The following UNC79 variants were observed in gnomAD, a reference collection of about 807,000 sequenced individuals.
UNC79 encodes the protein unc-79 subunit of NALCN channel complex.
In UNC79, 37 loss-of-function variants were observed where a neutral mutation model predicts 283.1. That is an observed-to-expected ratio of 0.13 (90% confidence interval 0.10 to 0.17). UNC79 has a LOEUF of 0.17. UNC79 is among the 10% of genes least tolerant of loss of function. The pLI is 1.00. For synonymous variants in UNC79, 1,107 were observed against 1,200.2 expected, an observed-to-expected ratio of 0.92 and a Z score of 1.61; for missense variants, 2,272 against 3,211.1, an observed-to-expected ratio of 0.71 and a Z score of 7.07.
chr14:93,618,921 G>T (rs936224822), intron 29 of UNC79, among the ~76,000 whole-genome samples: 1 of 152,158 alleles, frequency 6.6e-6, no homozygotes, highest in Non-Finnish European at 1.5e-5. Context: ...TGCAACTTTA[G>T]CTAGGGTAAA....
chr14:93,486,820 TAAAC>T (rs201444973), intron 4 of UNC79, among the ~76,000 whole-genome samples: 2,069 of 152,280 alleles, frequency 0.014, 56 homozygotes, highest in African/African-American at 0.048. Context: ...GATGTCATCT[TAAAC>T]AAGCCACTTA....
chr14:93,593,238 T>C (rs943421027), intron 22 of UNC79, among the ~76,000 whole-genome samples: 7 of 152,198 alleles, frequency 4.6e-5, no homozygotes, highest in African/African-American at 1.2e-4. Context: ...TGTCTGTTCT[T>C]GGAGAGGCTG....
intron 1 of UNC79, among the ~76,000 whole-genome samples, chr14:93,374,905 T>A (rs975709939): frequency 2.0e-5 from 3 of 152,178 alleles, no homozygotes; most frequent in African/African-American, 7.2e-5. Flanking sequence ...CAGATGAGAC[T>A]TTGGACTTTG....
At chr14:93,651,924 T>A (rs1016063521) in intron 35 of UNC79, among the ~76,000 whole-genome samples, 65 of 145,534 alleles carry the variant, frequency 4.5e-4, no homozygotes, top group African/African-American at 1.6e-3. Context: ...TTTTTTTTTT[T>A]TTTTTTTTTT....
At chr14:93,568,561 C>T (rs2063033484) in intron 14 of UNC79, among the ~76,000 whole-genome samples, 2 of 152,036 alleles carry the variant, frequency 1.3e-5, no homozygotes, top group South Asian at 2.1e-4. Context: ...GTAATCCCAG[C>T]TTGGGAGGCT....
At chr14:93,365,399 A>AT (rs2054308674) in intron 1 of UNC79, among the ~76,000 whole-genome samples, 1 of 151,682 alleles carries the variant, frequency 6.6e-6, no homozygotes, top group South Asian at 2.1e-4. Flanking sequence ...AAAAAAAAAA[A>AT]AAAAATGTGA....
At chr14:93,548,308 A>C (rs2061704945) in intron 14 of UNC79, among the ~76,000 whole-genome samples, 1 of 152,198 alleles carries the variant, frequency 6.6e-6, no homozygotes, top group Non-Finnish European at 1.5e-5. Context: ...GCGTTCATTC[A>C]TAAAGGCTCT....
chr14:93,583,899 G>C (rs1279355744), intron 20 of UNC79, among the ~76,000 whole-genome samples: 1 of 151,012 alleles, frequency 6.6e-6, no homozygotes, highest in African/African-American at 2.4e-5. Flanking sequence ...TTGACCACCT[G>C]GGCTCAAGCA....
intron 1 of UNC79, among the ~76,000 whole-genome samples, chr14:93,455,974 A>G (rs1444630080): frequency 6.6e-6 from 1 of 151,296 alleles, no homozygotes; most frequent in Non-Finnish European, 1.5e-5. Context: ...CATTGTTGAG[A>G]TGAGGCAAGG....
chr14:93,463,550 G>A (rs532166424), intron 1 of UNC79, among the ~76,000 whole-genome samples: 47 of 152,280 alleles, frequency 3.1e-4, no homozygotes, highest in African/African-American at 1.1e-3. Context: ...AATTTCATAG[G>A]AGACACACTG....
intron 31 of UNC79, among the ~76,000 whole-genome samples, chr14:93,635,586 A>G (rs549114795): frequency 1.7e-3 from 265 of 152,386 alleles, no homozygotes; most frequent in Non-Finnish European, 2.5e-3. Context: ...CTTCAAAGCC[A>G]TAGTATTTAT....
chr14:93,372,944 G>T (rs2054483381), intron 1 of UNC79, among the ~76,000 whole-genome samples: 1 of 152,134 alleles, frequency 6.6e-6, no homozygotes, highest in African/African-American at 2.4e-5. Flanking sequence ...AAGTTCAAAA[G>T]GATAGAAATC....
intron 26 of UNC79, among the ~76,000 whole-genome samples, chr14:93,611,232 A>G (rs1212253264): frequency 1.3e-5 from 2 of 152,240 alleles, no homozygotes; most frequent in Non-Finnish European, 2.9e-5. Flanking sequence ...ATACATACTC[A>G]TTCCTTCATG....
intron 1 of UNC79, among the ~76,000 whole-genome samples, chr14:93,422,310 A>G (rs1441493289): frequency 6.6e-6 from 1 of 151,900 alleles, no homozygotes; most frequent in Non-Finnish European, 1.5e-5. Flanking sequence ...CCGGGAATCA[A>G]TAGAAAGGAA....
At chr14:93,455,006 G>T (rs1383873146) in intron 1 of UNC79, among the ~76,000 whole-genome samples, 1 of 152,166 alleles carries the variant, frequency 6.6e-6, no homozygotes, top group Admixed American at 6.5e-5. Flanking sequence ...ACTTGCCAAA[G>T]AACAGGAATG....
At chr14:93,465,288 G>A (rs948258335) in intron 1 of UNC79, among the ~76,000 whole-genome samples, 1 of 151,982 alleles carries the variant, frequency 6.6e-6, no homozygotes, top group Non-Finnish European at 1.5e-5. Context: ...AAAGACCTGA[G>A]TGATAAGTGC....
At chr14:93,630,771 C>A in intron 30 of UNC79, 30 bp from the exon 33 acceptor site, 3 of 1,590,746 alleles carry the variant, frequency 1.9e-6, no homozygotes, top group Non-Finnish European at 2.6e-6. Context: ...AATCAGTGTC[C>A]TGAGTTTTAA....
intron 2 of UNC79, among the ~76,000 whole-genome samples, chr14:93,472,251 G>A (rs2057547855): frequency 1.3e-5 from 2 of 151,994 alleles, no homozygotes; most frequent in African/African-American, 2.4e-5. Context: ...ACAGATTTTT[G>A]GTGACTGGGT....
intron 19 of UNC79, among the ~76,000 whole-genome samples, chr14:93,581,322 G>A (rs2141753607): frequency 1.3e-5 from 2 of 149,998 alleles, no homozygotes; most frequent in Admixed American, 1.3e-4. Context: ...ACACAGGCAT[G>A]CCACCATGCC....
Sources: gnomAD v4.1 joint callset for allele counts (sites outside exome capture counted in the v4.1 genomes callset) on GRCh38, gnomAD v4.1.1 for gene constraint, MANE v1.5 for transcripts, NCBI Gene and HGNC (gene_info 2026-07-23, HGNC 2026-07-21) for gene names.